GPHN: variants seen among roughly 807,000 people sequenced by gnomAD.
The protein encoded by GPHN is gephyrin.
A neutral mutation model predicts 95.5 loss-of-function variants in GPHN; 17 were observed. The observed-to-expected ratio is 0.18, with a 90% CI of 0.12 to 0.27. The LOEUF (loss-of-function observed/expected upper bound fraction) is 0.27. GPHN is among the 10% of genes least tolerant of loss of function. The probability of loss-of-function intolerance (pLI) is 1.00; values close to 1 mark genes in which losing one functional copy is unlikely to be tolerated. For missense variants in GPHN, 660 were observed against 978.1 expected, an observed-to-expected ratio of 0.67 and a Z score of 4.34; for synonymous variants, 320 against 322.5, an observed-to-expected ratio of 0.99 and a Z score of 0.08.
At chr14:66,540,055 C>G (rs2140051699) in intron 1 of GPHN, among the ~76,000 whole-genome samples, 1 of 152,302 alleles carries the variant, frequency 6.6e-6, no homozygotes, top group South Asian at 2.1e-4. Flanking sequence ...CTAAGTTATG[C>G]TGCATAACAA....
intron 1 of GPHN, among the ~76,000 whole-genome samples, chr14:66,545,761 C>T (rs1439710465): frequency 2.0e-4 from 27 of 137,622 alleles, no homozygotes; most frequent in South Asian, 1.4e-3. Context: ...CCCTCCCGGA[C>T]GGGGCAGCTG....
At chr14:67,052,000 C>A (rs918179942) in intron 10 of GPHN, among the ~76,000 whole-genome samples, 3 of 152,232 alleles carry the variant, frequency 2.0e-5, no homozygotes, top group South Asian at 4.1e-4. Context: ...CCTGCCACTA[C>A]AAACACACAC....
the GPHN span, among the ~76,000 whole-genome samples, chr14:67,233,661 T>A: frequency 6.6e-6 from 1 of 152,174 alleles, no homozygotes; most frequent in African/African-American, 2.4e-5. Context: ...AGTGCAACAA[T>A]CCAGGCAAAA....
intron 3 of GPHN, among the ~76,000 whole-genome samples, chr14:66,796,045 C>T (rs72728652): frequency 0.067 from 10,179 of 152,028 alleles, 373 homozygotes; most frequent in Middle Eastern, 0.085. Flanking sequence ...TGGGTTCAAT[C>T]GTTTTAATTT....
At chr14:67,364,676 C>T in the GPHN span, 57 of 1,310,098 alleles carry the variant, frequency 4.4e-5, no homozygotes, top group East Asian at 1.3e-3. Flanking sequence ...TTTTCTTCAT[C>T]TTTTCTTTCA....
intron 2 of GPHN, among the ~76,000 whole-genome samples, chr14:66,739,520 C>G (rs78702093): frequency 5.2e-5 from 7 of 135,216 alleles, no homozygotes; most frequent in African/African-American, 1.6e-4. Context: ...CCGGCCCCTG[C>G]TTTTTTTTTT....
At chr14:67,011,054 A>G (rs1455005946) in intron 9 of GPHN, among the ~76,000 whole-genome samples, 1 of 152,144 alleles carries the variant, frequency 6.6e-6, no homozygotes, top group Non-Finnish European at 1.5e-5. Context: ...TGGGAAAATT[A>G]GTTTCTTTTT....
intron 1 of GPHN, among the ~76,000 whole-genome samples, chr14:66,670,451 T>G (rs2066242158): frequency 6.6e-6 from 1 of 152,188 alleles, no homozygotes; most frequent in Non-Finnish European, 1.5e-5. Context: ...ATTAACTGGC[T>G]CTCTATAATG....
the GPHN span, among the ~76,000 whole-genome samples, chr14:67,213,735 G>T: frequency 6.6e-6 from 1 of 152,100 alleles, no homozygotes; most frequent in African/African-American, 2.4e-5. Flanking sequence ...CTGAGGAATC[G>T]CCACACTGAC....
At chr14:67,465,403 G>C in the GPHN span, among the ~76,000 whole-genome samples, 1 of 128,700 alleles carries the variant, frequency 7.8e-6, no homozygotes, top group South Asian at 2.3e-4. Flanking sequence ...GAGAAATGAG[G>C]CCAAACCACA....
intron 5 of GPHN, among the ~76,000 whole-genome samples, chr14:66,892,146 G>C (rs1307880606): frequency 1.3e-5 from 2 of 152,028 alleles, no homozygotes; most frequent in Admixed American, 6.6e-5. Context: ...GCAGGGGCTG[G>C]GTGTGGTGGT....
At chr14:67,326,562 T>C in the GPHN span, among the ~76,000 whole-genome samples, 4 of 152,178 alleles carry the variant, frequency 2.6e-5, no homozygotes, top group Admixed American at 1.3e-4. Flanking sequence ...GTAACCACCA[T>C]GCCAATCAAG....
chr14:67,383,425 C>A, the GPHN span: 1 of 1,613,306 alleles, frequency 6.2e-7, no homozygotes, highest in East Asian at 2.2e-5. Flanking sequence ...AAATGGAAGC[C>A]AAAGCTGAAG....
intron 2 of GPHN, among the ~76,000 whole-genome samples, chr14:66,768,758 A>G (rs2059054625): frequency 6.6e-6 from 1 of 151,980 alleles, no homozygotes; most frequent in African/African-American, 2.4e-5. Context: ...CCAGAGTTAT[A>G]CAGTAAAACC....
chr14:67,303,869 A>G, the GPHN span, among the ~76,000 whole-genome samples: 1 of 151,980 alleles, frequency 6.6e-6, no homozygotes, highest in Non-Finnish European at 1.5e-5. Context: ...CCAGGTTCAA[A>G]TGATTCTCCC....
chr14:67,691,187 G>A, the GPHN span: 780 of 1,614,020 alleles, frequency 4.8e-4, 4 homozygotes, highest in African/African-American at 8.6e-3. Flanking sequence ...TGCTGTCTTC[G>A]AGTACGGACA....
At chr14:67,643,852 T>TTA in the GPHN span, among the ~76,000 whole-genome samples, 2 of 81,174 alleles carry the variant, frequency 2.5e-5, no homozygotes, top group Admixed American at 1.2e-4. Flanking sequence ...TCCTTGGGAG[T>TTA]AAAAAAAAAA....
the GPHN span, among the ~76,000 whole-genome samples, chr14:67,591,622 C>T: frequency 6.6e-6 from 1 of 152,158 alleles, no homozygotes; most frequent in Non-Finnish European, 1.5e-5. Flanking sequence ...GCCTTGACCT[C>T]CTGGGCTCAA....
At chr14:66,554,862 A>T (rs1333428872) in intron 1 of GPHN, among the ~76,000 whole-genome samples, 1 of 152,198 alleles carries the variant, frequency 6.6e-6, no homozygotes, top group Non-Finnish European at 1.5e-5. Context: ...GGTACCTCCA[A>T]TGTGGACTGT....
Sources: gnomAD v4.1 joint callset for allele counts (sites outside exome capture counted in the v4.1 genomes callset) on GRCh38, gnomAD v4.1.1 for gene constraint, MANE v1.5 for transcripts, NCBI Gene and HGNC (gene_info 2026-07-23, HGNC 2026-07-21) for gene names.